The following CD46 variants were observed in gnomAD, a reference collection of about 807,000 sequenced individuals.
CD46 encodes membrane cofactor protein.
CD46 carries 30 observed loss-of-function variants against 53.3 expected under a neutral mutation model. The ratio of observed to expected loss-of-function variants is 0.56; its 90% confidence interval spans 0.42 to 0.76. CD46 has a LOEUF of 0.76. CD46 is among the 30% of genes least tolerant of loss of function. The pLI is 0.00. For synonymous variants in CD46, 142 were observed against 152.0 expected (o/e 0.93, Z 0.48); for missense variants, 409 against 463.0 (o/e 0.88, Z 1.07).
intron 12 of CD46, 90 bp downstream of exon 12, chr1:207,790,435 A>T: frequency 1.4e-6 from 1 of 697,894 alleles, no homozygotes; most frequent in Non-Finnish European, 2.6e-6. Context: ...GAGCAAAGAG[A>T]TATTGGCAGT....
chr1:207,780,939 G>A (rs994146472), intron 8 of CD46, among the ~76,000 whole-genome samples: 1 of 151,488 alleles, frequency 6.6e-6, no homozygotes, highest in African/African-American at 2.4e-5. Context: ...GAAAAGAGAC[G>A]GTGAGAGAGA....
chr1:207,782,675 G>A (rs1264186862), intron 8 of CD46, among the ~76,000 whole-genome samples: 1 of 106,240 alleles, frequency 9.4e-6, no homozygotes, highest in Non-Finnish European at 1.7e-5. Context: ...TTGAGACAGA[G>A]TCTCGCTGTG....
intron 1 of CD46, among the ~76,000 whole-genome samples, chr1:207,755,953 A>G (rs910790384): frequency 6.6e-6 from 1 of 152,170 alleles, no homozygotes; most frequent in Non-Finnish European, 1.5e-5. Context: ...TTGTGGCCAC[A>G]TGGATGAATG....
intron 5 of CD46, among the ~76,000 whole-genome samples, chr1:207,766,385 T>C (rs1224618876): frequency 1.3e-5 from 2 of 152,012 alleles, no homozygotes; most frequent in Non-Finnish European, 2.9e-5. Flanking sequence ...GACAGGTGAA[T>C]AGAAATTGAA....
chr1:207,778,294 A>G (rs184830025), intron 8 of CD46, among the ~76,000 whole-genome samples: 4 of 152,128 alleles, frequency 2.6e-5, no homozygotes, highest in African/African-American at 7.2e-5. Context: ...ATTTACTTCA[A>G]TCGTACTTGT....
In CD46 at chr1:207,761,355, A is replaced by C. The variant is rs1656187867; in HGVS notation, c.582A>C (p.Ala194=). 1 of 1,613,638 alleles carries C rather than the reference A, an allele frequency of 6.2e-7. No individual in the cohort carries two copies. The change falls in exon 5 of 13, where the codon GCA becomes GCC. Residue 194 remains alanine, a synonymous_variant. Coordinates refer to ENST00000367042, the MANE Select transcript of CD46 (RefSeq NM_172351.3). The part of the protein sequence containing the change: ...LDAVTYSCDP[A]PGPDPFSLIG... ...CAGTAACTTATAGTTGTGATCCTGC[A>C]CCTGGACCAGATCCATTTTCACTTA... is the stretch of plus-strand genomic sequence containing the variant.
At position 207,752,255 on chromosome 1, in the gene CD46, C is replaced by A. The variant is rs527920438; in HGVS notation, c.43C>A (p.Arg15Ser). ...GRRECPFPSW[R>S]FPGLLLAAMV... ...CCGCGAGTGTCCCTTTCCTTCCTGG[C>A]GCTTTCCTGGGTTGCTTCTGGCGGC... Residue 15 changes from arginine (R) to serine (S), a missense_variant, in exon 1 of 13, where the codon CGC becomes AGC. Transcript: ENST00000367042. The surrounding 1 kb of genome is among the most constrained non-coding windows in gnomAD (Gnocchi z 4.1). 3.1e-6 allele frequency: 5 copies of A among 1,614,180 alleles called. No homozygotes were observed. In the African/African-American group the frequency reaches 5.3e-5, roughly 17 times the overall value.
chr1:207,767,231 A>G (rs1393634985), intron 6 of CD46, 36 bp downstream of exon 6: 3 of 1,550,390 alleles, frequency 1.9e-6, no homozygotes, highest in East Asian at 2.2e-5. Context: ...TTGGTTTGTT[A>G]TTGTTGTTGC....
intron 8 of CD46, among the ~76,000 whole-genome samples, chr1:207,780,684 T>C (rs889001244): frequency 2.6e-5 from 4 of 152,202 alleles, no homozygotes; most frequent in Non-Finnish European, 4.4e-5. Flanking sequence ...TGGGAACCTT[T>C]AACAAAGGTT....
chr1:207,780,434 TATTC>T (rs1307179235), intron 8 of CD46, among the ~76,000 whole-genome samples: 1 of 152,192 alleles, frequency 6.6e-6, no homozygotes, highest in Non-Finnish European at 1.5e-5. Flanking sequence ...ATATTTCATT[TATTC>T]ATTCATCTGT....
At chr1:207,755,134 C>G (rs898245851) in intron 1 of CD46, among the ~76,000 whole-genome samples, 3 of 151,614 alleles carry the variant, frequency 2.0e-5, no homozygotes, top group African/African-American at 7.3e-5. Flanking sequence ...ACAAAACACA[C>G]ACACATACAC....
At chr1:207,784,904 T>G (rs1659131815) in intron 9 of CD46, among the ~76,000 whole-genome samples, 167 bp from the exon 10 acceptor site, 3 of 152,174 alleles carry the variant, frequency 2.0e-5, no homozygotes, top group African/African-American at 7.2e-5. Context: ...CAATTACCTC[T>G]CATGGGGTCC....
intron 9 of CD46, among the ~76,000 whole-genome samples, chr1:207,784,710 G>A (rs1659106065): frequency 6.6e-6 from 1 of 152,204 alleles, no homozygotes; most frequent in African/African-American, 2.4e-5. Flanking sequence ...GTTCTGCAGG[G>A]CTGAGGAGGC....
chr1:207,791,682 C>A (rs1659813265), intron 12 of CD46, among the ~76,000 whole-genome samples: 1 of 152,152 alleles, frequency 6.6e-6, no homozygotes, highest in African/African-American at 2.4e-5. Context: ...AAAGTGAAAC[C>A]GTGGATAAGG....
chr1:207,787,950 G>A (rs551412177), intron 11 of CD46, among the ~76,000 whole-genome samples: 1 of 152,236 alleles, frequency 6.6e-6, no homozygotes, highest in East Asian at 1.9e-4. Context: ...GATTCATTGG[G>A]TTTGGGGTGG....
intron 6 of CD46, chr1:207,767,399 C>T: frequency 1.4e-6 from 1 of 707,600 alleles, no homozygotes; most frequent in Non-Finnish European, 2.4e-6. Context: ...ATTTTTTGTG[C>T]TTTTCCAGGG....
At chr1:207,779,352 TTTCTC>T (rs1489086951) in intron 8 of CD46, among the ~76,000 whole-genome samples, 1 of 152,112 alleles carries the variant, frequency 6.6e-6, no homozygotes, top group South Asian at 2.1e-4. Context: ...AGTTTGGTGT[TTTCTC>T]TTTTCTTAAA....
intron 3 of CD46, among the ~76,000 whole-genome samples, chr1:207,758,101 C>T (rs534240094): frequency 3.7e-4 from 56 of 152,270 alleles, no homozygotes; most frequent in African/African-American, 1.3e-3. Context: ...AGTTGAAAAA[C>T]CTTATTTTTG....
In CD46 at chr1:207,767,810, G is replaced by T; in HGVS notation, c.888G>T (p.Ala296=). The T allele has an allele frequency of 6.2e-7, 1 of 1,610,826 alleles. No homozygotes were observed. Among genetic ancestry groups the T allele is most frequent in the Non-Finnish European group, 8.5e-7 (1 of 1,177,212 alleles). The stretch of plus-strand genomic sequence containing the variant: ...CTTCTTCCACTACAAAATCTCCAGC[G>T]TCCAGTGCCTCAGGTTTAGTAATTT... ...VSTSSTTKSP[A]SSASGPRPTY... Residue 296 remains alanine, a synonymous_variant, in exon 7 of 13, where the codon GCG becomes GCT. Coordinates refer to ENST00000367042, the MANE Select transcript of CD46 (RefSeq NM_172351.3).
Sources: gnomAD v4.1 joint callset for allele counts (sites outside exome capture counted in the v4.1 genomes callset) on GRCh38, gnomAD v4.1.1 for gene constraint, Gnocchi (gnomAD v3.1) non-coding constraint, MANE v1.5 for transcripts, NCBI Gene and HGNC (gene_info 2026-07-23, HGNC 2026-07-21) for gene names.